CSMD2: variants seen among roughly 807,000 people sequenced by gnomAD.
CSMD2 encodes CUB and sushi domain-containing protein 2.
In CSMD2, 130 loss-of-function variants were observed where a neutral mutation model predicts 398.5. The observed-to-expected ratio is 0.33, with a 90% CI of 0.28 to 0.38. The LOEUF is 0.38. Ranked by LOEUF, CSMD2 falls within the 10% of genes least tolerant of loss-of-function variation. The pLI is 1.00. For synonymous variants in CSMD2, 1,828 were observed against 1,908.5 expected, an observed-to-expected ratio of 0.96 and a Z score of 1.10; for missense variants, 3,829 against 4,764.9, an observed-to-expected ratio of 0.80 and a Z score of 5.78.
In CSMD2 at chr1:33,909,125, T is replaced by C. The variant is rs114340168; in HGVS notation, c.920+8969A>G. On this transcript the variant is annotated intron_variant, in intron 5 of 70. Transcript: ENST00000373381. Reference sequence around the variant, plus strand: ...GTCATGCACCATCTGAGCTGTTTTCTGAGTGTCTCTGCTAGCTTGAGACCT... The same window carrying C: ...GTCATGCACCATCTGAGCTGTTTTCCGAGTGTCTCTGCTAGCTTGAGACCT... Among the ~76,000 whole-genome samples, 597 of 152,334 alleles carry C rather than the reference T, an allele frequency of 3.9e-3. 6 individuals are homozygous for C. Among genetic ancestry groups the C allele is most frequent in the African/African-American group, 0.014 (566 of 41,564 alleles).
chr1:33,607,687 G>A (rs2148825144), intron 41 of CSMD2, among the ~76,000 whole-genome samples: 1 of 152,374 alleles, frequency 6.6e-6, no homozygotes, highest in East Asian at 1.9e-4. Context: ...CAAGTCTGAG[G>A]GGAGCAGGTG....
chr1:33,812,635 T>C (rs1025359231), intron 9 of CSMD2, among the ~76,000 whole-genome samples: 2 of 132,122 alleles, frequency 1.5e-5, no homozygotes, highest in Non-Finnish European at 3.1e-5. Flanking sequence ...TGCTGGTCGC[T>C]TAAGTCTGGA....
At chr1:33,941,123 A>G (rs1644657652) in intron 3 of CSMD2, among the ~76,000 whole-genome samples, 2 of 152,228 alleles carry the variant, frequency 1.3e-5, no homozygotes, top group African/African-American at 4.8e-5. Context: ...AGCCCAGAAC[A>G]ATATTATTAA....
chr1:33,661,407 GA>G (rs1644128472), intron 26 of CSMD2, among the ~76,000 whole-genome samples: 1 of 151,986 alleles, frequency 6.6e-6, no homozygotes, highest in South Asian at 2.1e-4. Flanking sequence ...AGATGGCCTT[GA>G]AAAAAGTCAT....
At chr1:33,625,473 G>T (rs1343391780) in intron 33 of CSMD2, among the ~76,000 whole-genome samples, 1 of 152,194 alleles carries the variant, frequency 6.6e-6, no homozygotes, top group Non-Finnish European at 1.5e-5. Flanking sequence ...TGGAAAGCAC[G>T]GGAGGTAGAG....
intron 25 of CSMD2, among the ~76,000 whole-genome samples, chr1:33,690,904 A>C (rs1406593203): frequency 6.6e-6 from 1 of 152,348 alleles, no homozygotes; most frequent in East Asian, 1.9e-4. Flanking sequence ...AAAAGTGGTC[A>C]GTGTCATCAG....
intron 2 of CSMD2, among the ~76,000 whole-genome samples, chr1:34,049,208 C>T (rs886127730): frequency 1.3e-5 from 2 of 152,136 alleles, no homozygotes; most frequent in Non-Finnish European, 2.9e-5. Context: ...AGCAAAGAGG[C>T]TTTACCTGTG....
intron 2 of CSMD2, among the ~76,000 whole-genome samples, chr1:34,044,338 A>G (rs1652231984): frequency 6.6e-6 from 1 of 152,220 alleles, no homozygotes; most frequent in South Asian, 2.1e-4. Flanking sequence ...AGGACTTTTA[A>G]CAAGCTAAGT....
At chr1:33,560,347 T>C (rs1418392858) in intron 53 of CSMD2, among the ~76,000 whole-genome samples, 2 of 152,226 alleles carry the variant, frequency 1.3e-5, no homozygotes, top group Non-Finnish European at 2.9e-5. Flanking sequence ...TACTATTTTG[T>C]TCAGACATGA....
intron 15 of CSMD2, among the ~76,000 whole-genome samples, chr1:33,738,459 G>A (rs1186036499): frequency 6.6e-6 from 1 of 152,140 alleles, no homozygotes; most frequent in Non-Finnish European, 1.5e-5. Context: ...AATTTAACCT[G>A]ACTCCTGCCT....
At position 33,714,746 on chromosome 1, in the gene CSMD2, C is replaced by G. The variant is rs759906758; in HGVS notation, c.3247G>C (p.Glu1083Gln). 1.2e-6 allele frequency: 2 copies of G among 1,613,992 alleles called. No homozygotes were observed. The highest frequency in any genetic ancestry group is 1.7e-6 in the Non-Finnish European group (2 of 1,180,032). ...EYDLEPCEEP[E>Q]VPAYSIRKGL... ...TTCCGGATGCTGTAGGCTGGGACCT[C>G]GGGCTCCTCACAGGGCTCCAAGTCG... Residue 1083 changes from glutamate (E) to glutamine (Q), a missense_variant, in exon 21 of 71, where the codon GAG becomes CAG. Around this residue, in one of 5 missense-constraint regions of CSMD2, gnomAD observed 2,001 missense variants for 2,567.1 expected, o/e 0.78. Coordinates refer to ENST00000373381, the MANE Select transcript of CSMD2 (RefSeq NM_001281956.2).
At chr1:33,574,775 G>A (rs1267656242) in intron 49 of CSMD2, among the ~76,000 whole-genome samples, 2 of 152,232 alleles carry the variant, frequency 1.3e-5, no homozygotes, top group East Asian at 3.8e-4. Context: ...ATAAGAGAGT[G>A]TTTAAACATG....
At chr1:33,598,857 G>C (rs1266091204) in intron 44 of CSMD2, 2 of 152,230 alleles carry the variant, frequency 1.3e-5, no homozygotes, top group African/African-American at 4.8e-5. Context: ...TTTTAGTAGA[G>C]ACAGGGTTTC....
chr1:33,561,295 C>T (rs1214313845), intron 53 of CSMD2, among the ~76,000 whole-genome samples: 1 of 152,120 alleles, frequency 6.6e-6, no homozygotes, highest in African/African-American at 2.4e-5. Context: ...TTCAAAGCAG[C>T]CTGGCATAGT....
chr1:33,973,371 T>C (rs1156380263), intron 3 of CSMD2, among the ~76,000 whole-genome samples: 1 of 152,098 alleles, frequency 6.6e-6, no homozygotes, highest in Non-Finnish European at 1.5e-5. Context: ...GGGTCTGAAA[T>C]GGAATGGGAG....
intron 55 of CSMD2, 46 bp downstream of exon 55, chr1:33,557,688 C>T (rs1284596746): frequency 6.6e-7 from 1 of 1,508,262 alleles, no homozygotes; most frequent in South Asian, 1.2e-5. Flanking sequence ...TGTTCTTTGA[C>T]ACGGGCCACC....
At chr1:33,612,339 G>A (rs1641062631) in intron 40 of CSMD2, among the ~76,000 whole-genome samples, 2 of 152,192 alleles carry the variant, frequency 1.3e-5, no homozygotes, top group African/African-American at 4.8e-5. Flanking sequence ...GACACTTAAT[G>A]TTGAAGATCT....
chr1:33,759,324 C>CTTTTTTTTTTTT (rs756784492), intron 13 of CSMD2, among the ~76,000 whole-genome samples: 6 of 124,786 alleles, frequency 4.8e-5, no homozygotes, highest in Non-Finnish European at 8.5e-5. Context: ...CTTTTTTTTT[C>CTTTTTTTTTTTT]TTTTTTTTTT....
intron 1 of CSMD2, among the ~76,000 whole-genome samples, chr1:34,152,289 G>C (rs1640399487): frequency 6.6e-6 from 1 of 152,148 alleles, no homozygotes; most frequent in South Asian, 2.1e-4. Flanking sequence ...TCCCTGGGAG[G>C]CCAGGGCACC....
Sources: gnomAD v4.1 joint callset for allele counts (sites outside exome capture counted in the v4.1 genomes callset) on GRCh38, gnomAD v4.1.1 for gene constraint, gnomAD v4.1.1 regional missense constraint, MANE v1.5 for transcripts, NCBI Gene and HGNC (gene_info 2026-07-23, HGNC 2026-07-21) for gene names.